Variants in AMZ1 observed in about 807,000 individuals in gnomAD.
AMZ1 encodes the protein archaemetzincin-1.
A neutral mutation model predicts 29.9 loss-of-function variants in AMZ1; 39 were observed. The observed-to-expected ratio is 1.30, with a 90% CI of 1.01 to 1.70. The LOEUF (loss-of-function observed/expected upper bound fraction) is 1.70, where lower values mean the gene tolerates loss of function less well. AMZ1 is among the 40% of genes most tolerant of loss of function. The pLI is 0.00. For synonymous variants in AMZ1, 458 were observed against 304.0 expected (o/e 1.51, Z -5.27); for missense variants, 1,041 against 680.6 (o/e 1.53, Z -5.89).
At chr7:2,737,495 A>C (rs1790268562) in intron 4 of AMZ1, among the ~76,000 whole-genome samples, 1 of 151,442 alleles carries the variant, frequency 6.6e-6, no homozygotes, top group Non-Finnish European at 1.5e-5. Flanking sequence ...CACCAGGTTA[A>C]CCAGGCTGGT....
chr7:2,706,238 C>T (rs879410502), intron 3 of AMZ1, among the ~76,000 whole-genome samples: 18 of 152,084 alleles, frequency 1.2e-4, no homozygotes, highest in African/African-American at 1.7e-4. Context: ...CGCAGTGGTG[C>T]GATCATAGCT....
rs530408900 is a variant in AMZ1 at position 2,697,085 on chromosome 7, G to A, written c.-218-3149G>A. Among the ~76,000 whole-genome samples, 5 of 152,210 alleles carry A rather than the reference G, an allele frequency of 3.3e-5. No individual in the cohort carries two copies. In the South Asian group the frequency reaches 1.0e-3, roughly 32 times the overall value. ...GTTCATTACGGCGTTTTTGGGCAGT[G>A]GTTGAAAGTAGCATTTTAATTTATT... On this transcript the variant is annotated intron_variant, in intron 1 of 6. Coordinates refer to ENST00000683327, the MANE Select transcript of AMZ1 (RefSeq NM_001384743.1).
At chr7:2,721,670 C>G (rs369928658), downstream of AMZ1, among the ~76,000 whole-genome samples, 1 of 150,692 alleles carries the variant, frequency 6.6e-6, no homozygotes, top group Non-Finnish European at 1.5e-5. Flanking sequence ...GAGCCGAGAT[C>G]GCGACACTGC....
chr7:2,735,902 G>A (rs1371370976), intron 4 of AMZ1, among the ~76,000 whole-genome samples: 3 of 152,248 alleles, frequency 2.0e-5, no homozygotes, highest in Non-Finnish European at 2.9e-5. Flanking sequence ...GGGGAGGGAA[G>A]AAGGGGACAC....
chr7:2,691,745 A>T (rs1308380496), intron 1 of AMZ1, among the ~76,000 whole-genome samples: 4 of 151,498 alleles, frequency 2.6e-5, no homozygotes, highest in Non-Finnish European at 4.4e-5. Context: ...AAAAAAAAAA[A>T]AAATAAGTGA....
At chr7:2,736,729 G>A (rs1017100251) in intron 4 of AMZ1, among the ~76,000 whole-genome samples, 3 of 152,200 alleles carry the variant, frequency 2.0e-5, no homozygotes, top group Non-Finnish European at 4.4e-5. Flanking sequence ...CCTCCGGTGG[G>A]AGAAAGACAC....
chr7:2,743,798 C>T (rs915441289), intron 4 of AMZ1, among the ~76,000 whole-genome samples: 7 of 152,068 alleles, frequency 4.6e-5, no homozygotes, highest in African/African-American at 7.2e-5. Flanking sequence ...ACACATAGCA[C>T]CTGGAAAATT....
chr7:2,744,268 C>G (rs1322856450), intron 4 of AMZ1, among the ~76,000 whole-genome samples: 1 of 152,210 alleles, frequency 6.6e-6, no homozygotes, highest in African/African-American at 2.4e-5. Flanking sequence ...GAGGCACCCC[C>G]CAGTAGGGGC....
chr7:2,752,150 C>A (rs901212831), intron 4 of AMZ1, among the ~76,000 whole-genome samples: 7 of 151,870 alleles, frequency 4.6e-5, no homozygotes, highest in Admixed American at 2.6e-4. Flanking sequence ...TAGAAGACAG[C>A]CACTATTTTA....
chr7:2,723,038 T>TAA (rs562571894), downstream of AMZ1, among the ~76,000 whole-genome samples: 1 of 151,332 alleles, frequency 6.6e-6, no homozygotes, highest in African/African-American at 2.4e-5. Flanking sequence ...GTTCACTGTG[T>TAA]AAAAAAAAAG....
At position 2,718,490 on chromosome 7, in the gene AMZ1, G is replaced by A. The variant is rs1789260194; in HGVS notation, c.*5612G>A. ...GCGGGAATGAATGGGGACGTGTTTT[G>A]TTCAGCCCTGACTCTTGGACGCTGG... On this transcript the variant is annotated 3_prime_UTR_variant, in exon 7 of 7. Coordinates refer to ENST00000683327, the MANE Select transcript of AMZ1 (RefSeq NM_001384743.1). 1.3e-5 allele frequency among the ~76,000 whole-genome samples: 2 copies of A among 152,218 alleles called. No homozygotes were observed. Among genetic ancestry groups the A allele is most frequent in the Non-Finnish European group, 2.9e-5 (2 of 68,038 alleles).
At position 2,730,998 on chromosome 7, in the gene AMZ1, A is replaced by G. The variant is rs114013948; in HGVS notation, n.550+21182A>G. ...CCCAGGATTCAGTAGCTAACGTGAC[A>G]GTTTCCATGTCCTTTTGCCTAGAGC... On this transcript the variant is annotated intron_variant and non_coding_transcript_variant, in intron 4 of 4. Coordinates refer to the AMZ1 transcript ENST00000489665. The G allele has an allele frequency of 5.6e-6, 3 of 534,250 alleles. No individual in the cohort carries two copies. The Admixed American group carries it at 9.3e-5, about 17-fold the overall frequency. The allele number at this position is 534,250 out of a possible 1,614,324, so 33.1% of individuals were successfully genotyped here.
Position 2,716,124 on chromosome 7 carries a change from T to C in AMZ1, c.*3246T>C, listed in dbSNP as rs895331387. On this transcript the variant is annotated 3_prime_UTR_variant, in exon 7 of 7. Transcript: ENST00000683327. The stretch of plus-strand genomic sequence containing the variant: ...CAGATGTTATCTGTATTGCTGTGTG[T>C]GCGATGAGTCTGGGGAAGCTAACAC... The C allele has an allele frequency of 1.3e-5, 2 of 152,196 alleles. No homozygotes were observed. Among genetic ancestry groups the C allele is most frequent in the African/African-American group, 2.4e-5 (1 of 41,422 alleles). The allele number at this position is 152,196 out of a possible 1,614,324, so 9.4% of individuals were successfully genotyped here.
intron 4 of AMZ1, among the ~76,000 whole-genome samples, chr7:2,757,559 G>A (rs1791362782): frequency 6.6e-6 from 1 of 152,196 alleles, no homozygotes; most frequent in Non-Finnish European, 1.5e-5. Context: ...AACGCGGCCA[G>A]GTGCACCAGC....
At chr7:2,732,514 C>G (rs991105386) in intron 4 of AMZ1, among the ~76,000 whole-genome samples, 12 of 152,142 alleles carry the variant, frequency 7.9e-5, no homozygotes, top group Admixed American at 7.9e-4. Flanking sequence ...CCACTGTACT[C>G]CAGCCTGGGT....
intron 4 of AMZ1, among the ~76,000 whole-genome samples, chr7:2,759,188 T>TA (rs1554257558): frequency 6.9e-6 from 1 of 144,520 alleles, no homozygotes; most frequent in African/African-American, 2.6e-5. Context: ...AATAAATAAA[T>TA]AAAATAAAAA....
At position 2,700,366 on chromosome 7, in the gene AMZ1, T is replaced by A. The variant is rs553747206; in HGVS notation, c.-86T>A. 26 of 1,480,068 alleles carry A rather than the reference T, an allele frequency of 1.8e-5. No homozygotes were observed. The South Asian group carries it at 3.1e-4, about 17-fold the overall frequency. 91.7% of individuals were successfully genotyped at this position (1,480,068 alleles called of 1,614,324 possible). A position where few individuals can be genotyped will look rare whatever the true frequency, so the allele number is the denominator to read the frequency against. On this transcript the variant is annotated 5_prime_UTR_variant, in exon 2 of 7. Transcript: ENST00000683327. ...CCACTCGGATCAGCCCGAGGGAAGA[T>A]TCTGGACGAGACCGTGGCCGTCCCC...
rs1056739027 is a variant in AMZ1, at chr7:2,702,871, A to G, written c.454A>G (p.Arg152Gly). Residue 152 changes from arginine (R) to glycine (G), a missense_variant, in exon 3 of 7, where the codon AGG becomes GGG. Physicochemically the swap from Arg to Gly is moderately radical, Grantham distance 125 (BLOSUM62 -2). Coordinates refer to ENST00000683327, the MANE Select transcript of AMZ1 (RefSeq NM_001384743.1). ...CTCGCGGCCCAGCCGGGACTCTGAC[A>G]GGCTCCAGCTCCACACAGGTGAGTG... is the stretch of plus-strand genomic sequence containing the variant. ...CSSRPSRDSD[R>G]LQLHTDGILS... 10 of 1,587,666 alleles carry G rather than the reference A, an allele frequency of 6.3e-6. No individual in the cohort carries two copies. The highest frequency in any genetic ancestry group is 1.3e-5 in the African/African-American group (1 of 74,582).
chr7:2,679,750 G>C (rs1457606025), intron 1 of AMZ1: 1 of 152,444 alleles, frequency 6.6e-6, no homozygotes, highest in African/African-American at 2.4e-5. Flanking sequence ...CCTAAATGTG[G>C]GGTGGGAGGC....
Sources: allele counts gnomAD v4.1 joint callset (sites outside exome capture counted in the v4.1 genomes callset), GRCh38; gene constraint gnomAD v4.1.1; transcripts MANE v1.5; gene names NCBI Gene and HGNC (gene_info 2026-07-23, HGNC 2026-07-21).